CACNB1: variants seen among roughly 807,000 people sequenced by gnomAD.
CACNB1 encodes the protein voltage-dependent L-type calcium channel subunit beta-1.
In CACNB1, 29 loss-of-function variants were observed where a neutral mutation model predicts 71.6. The observed-to-expected ratio is 0.40, with a 90% CI of 0.30 to 0.55. The LOEUF (loss-of-function observed/expected upper bound fraction) is 0.55, where lower values mean the gene tolerates loss of function less well. Ranked by LOEUF, CACNB1 falls within the 20% of genes least tolerant of loss-of-function variation. CACNB1 has a pLI of 0.38. For missense variants in CACNB1, 623 were observed against 801.8 expected (o/e 0.78, Z 2.69); for synonymous variants, 300 against 319.6 (o/e 0.94, Z 0.65).
intron 11 of CACNB1, among the ~76,000 whole-genome samples, chr17:39,183,255 C>A (rs866028628): frequency 6.6e-6 from 1 of 151,732 alleles, no homozygotes; most frequent in Non-Finnish European, 1.5e-5. Flanking sequence ...TTGCTTTAGC[C>A]CAGGAGGTAG....
chr17:39,181,821 C>A (rs1242749463), intron 11 of CACNB1, among the ~76,000 whole-genome samples: 1 of 152,078 alleles, frequency 6.6e-6, no homozygotes, highest in Non-Finnish European at 1.5e-5. Flanking sequence ...AGTTTGAGAC[C>A]AGCCTGGCCA....
At chr17:39,182,114 C>T (rs1463731512) in intron 11 of CACNB1, among the ~76,000 whole-genome samples, 1 of 151,350 alleles carries the variant, frequency 6.6e-6, no homozygotes, top group Non-Finnish European at 1.5e-5. Context: ...TGAGCAAGAT[C>T]GCACCACTAC....
intron 6 of CACNB1, chr17:39,185,908 C>A (rs2045925978): frequency 6.3e-7 from 1 of 1,589,594 alleles, no homozygotes; most frequent in Non-Finnish European, 8.6e-7. Flanking sequence ...AAAGTGCTGG[C>A]CCTGACTCCC....
chr17:39,190,228 C>T (rs537791201), intron 3 of CACNB1, among the ~76,000 whole-genome samples: 20 of 152,130 alleles, frequency 1.3e-4, no homozygotes, highest in South Asian at 4.2e-4. Context: ...TCAAGACCAG[C>T]CTGGGCAACA....
At chr17:39,187,085 C>T in intron 4 of CACNB1, 156 bp from the exon 5 acceptor site, 1 of 738,294 alleles carries the variant, frequency 1.4e-6, no homozygotes, top group Non-Finnish European at 2.2e-6. Context: ...CTGAGTGGAG[C>T]TGCCAATTCT....
At chr17:39,184,938 C>T (rs574397430) in intron 7 of CACNB1, 74 bp from the exon 8 acceptor site, 9 of 1,164,058 alleles carry the variant, frequency 7.7e-6, no homozygotes, top group Middle Eastern at 1.9e-4. Context: ...ACTCCAGGCT[C>T]CCCCATGCAG....
At position 39,186,707 on chromosome 17, in the gene CACNB1, C is replaced by A; in HGVS notation, c.551+86G>T. 2 of 1,570,206 alleles carry A rather than the reference C, an allele frequency of 1.3e-6. No individual in the cohort carries two copies. Among genetic ancestry groups the A allele is most frequent in the Admixed American group, 1.7e-5 (1 of 59,048 alleles). On this transcript the variant is annotated intron_variant, in intron 5 of 13. Coordinates refer to ENST00000394303, the MANE Select transcript of CACNB1 (RefSeq NM_000723.5). The surrounding 1 kb of genome is among the most constrained non-coding windows in gnomAD (Gnocchi z 4.1). ...CACAGGCAGCTCTGTGCCCTCAGGG[C>A]CAGGGACAACCATTGAGGCCTAGTC...
chr17:39,187,020 C>T (rs2045958330), intron 4 of CACNB1, 91 bp from the exon 5 acceptor site: 3 of 1,411,586 alleles, frequency 2.1e-6, no homozygotes, highest in African/African-American at 2.8e-5. Context: ...CGCCCAGACT[C>T]ACCTCCCAGC....
At position 39,186,504 on chromosome 17, in the gene CACNB1, G is replaced by A; in HGVS notation, c.620C>T (p.Pro207Leu). The A allele has an allele frequency of 6.2e-7, 1 of 1,612,418 alleles. No individual in the cohort carries two copies. Among genetic ancestry groups the A allele is most frequent in the Non-Finnish European group, 8.5e-7 (1 of 1,178,930 alleles). Residue 207 changes from proline to leucine, a missense_variant, in exon 6 of 14, where the codon CCT (proline) becomes CTT (leucine). Pro to Leu is a moderately conservative substitution (Grantham distance 98). Coordinates refer to ENST00000394303, the MANE Select transcript of CACNB1 (RefSeq NM_000723.5). This position sits in a 1 kb window ranked among gnomAD's most constrained non-coding sequence, Gnocchi z 4.1. ...ATGGCGATGGCTCTTACCACTGGCAGGGGGTGTGGGGCGGCGGGTGCCAGT... is the reference window on the plus strand; with the variant it reads ...ATGGCGATGGCTCTTACCACTGGCAAGGGGTGTGGGGCGGCGGGTGCCAGT... ...VVTGTRRPTP[P>L]ASAKQKQKST...
At chr17:39,180,918 T>C (rs1466397930) in intron 11 of CACNB1, among the ~76,000 whole-genome samples, 1 of 151,948 alleles carries the variant, frequency 6.6e-6, no homozygotes, top group Non-Finnish European at 1.5e-5. Flanking sequence ...ATGGGAATTC[T>C]ACCTCAATAA....
rs2046165643 is a variant in CACNB1, at chr17:39,194,686, G to A, written c.171+198C>T. Among the ~76,000 whole-genome samples the A allele has an allele frequency of 6.6e-6, 1 of 152,054 alleles. No individual in the cohort carries two copies. The highest frequency in any genetic ancestry group is 2.1e-4 in the South Asian group (1 of 4,824). On this transcript the variant is annotated intron_variant, in intron 2 of 13. Coordinates refer to ENST00000394303, the MANE Select transcript of CACNB1 (RefSeq NM_000723.5). This position sits in a 1 kb window ranked among gnomAD's most constrained non-coding sequence, Gnocchi z 4.6. ...CTGGTGCTGGGGGAGGGGCCGGGCA[G>A]GGGCGGGGGCTGAGCGAGTGGGTGC... is the stretch of plus-strand genomic sequence containing the variant.
At chr17:39,178,755 T>G (rs932162236) in intron 11 of CACNB1, among the ~76,000 whole-genome samples, 2 of 152,176 alleles carry the variant, frequency 1.3e-5, no homozygotes, top group Admixed American at 1.3e-4. Context: ...CCAGCATTGT[T>G]CTGTGCTTTT....
rs1162849302 is a variant in CACNB1, at chr17:39,185,111, CA to C, written c.648+19del. 7.4e-6 allele frequency: 12 copies of C among 1,612,622 alleles called. 1 individual carries two copies. The Admixed American group carries it at 2.0e-4, about 27-fold the overall frequency. Reference sequence around the variant, plus strand: ...ATCCCAGGGAGTGGGGAGGAGGACACAGAAAGCTGTGATACTCACCGACTTC... The same window carrying C: ...ATCCCAGGGAGTGGGGAGGAGGACACGAAAGCTGTGATACTCACCGACTTC... On this transcript the variant is annotated intron_variant, in intron 7 of 13. Transcript: ENST00000394303.
At position 39,187,558 on chromosome 17, in the gene CACNB1, T is replaced by C. The variant is rs1567806173; in HGVS notation, c.335A>G (p.Asn112Ser). Reference protein sequence around the residue: ...AFAVRTNVGYNPSPGDEVPVQ... With the variant: ...AFAVRTNVGYSPSPGDEVPVQ... ...AGGCACCTCATCCCCTGGAGACGGA[T>C]TGTAGCCAACATTTGTCCGCACAGC... is the stretch of plus-strand genomic sequence containing the variant. Residue 112 changes from asparagine to serine, a missense_variant, in exon 4 of 14, where the codon AAT becomes AGT. Asn to Ser is a conservative substitution (Grantham distance 46). Coordinates refer to ENST00000394303, the MANE Select transcript of CACNB1 (RefSeq NM_000723.5). 5 of 1,614,188 alleles carry C rather than the reference T, an allele frequency of 3.1e-6. No homozygotes were observed. The highest frequency in any genetic ancestry group is 2.2e-5 in the South Asian group (2 of 91,084).
chr17:39,175,176 C>CT lies in CACNB1; in HGVS notation c.*16_*17insA. ...CTGGGCTCAGAGCCCTTCCTCCCGC[C>CT]GTGTGGCCCCTGCCTCTCAGCGAAT... On this transcript the variant is annotated 3_prime_UTR_variant, in exon 14 of 14. Transcript: ENST00000394303. This position sits in a 1 kb window ranked among gnomAD's most constrained non-coding sequence, Gnocchi z 4.7. 1 of 1,586,276 alleles carries CT rather than the reference C, an allele frequency of 6.3e-7. No individual in the cohort carries two copies.
chr17:39,184,475 G>A (rs930555780), intron 8 of CACNB1, 92 bp from the exon 9 acceptor site: 4 of 774,008 alleles, frequency 5.2e-6, no homozygotes, highest in African/African-American at 3.4e-5. Context: ...GTACCCTCAC[G>A]TTCCACTTTC....
At position 39,175,798 on chromosome 17, in the gene CACNB1, G is replaced by C; in HGVS notation, c.1333-141C>G. 3.0e-6 allele frequency: 2 copies of C among 666,700 alleles called. No individual in the cohort carries two copies. Among genetic ancestry groups the C allele is most frequent in the Non-Finnish European group, 2.5e-6 (1 of 403,088 alleles). 41.3% of individuals were successfully genotyped at this position (666,700 alleles called of 1,614,324 possible). On this transcript the variant is annotated intron_variant, in intron 13 of 13. Transcript: ENST00000394303. This position sits in a 1 kb window ranked among gnomAD's most constrained non-coding sequence, Gnocchi z 4.7. The stretch of plus-strand genomic sequence containing the variant: ...CTGGCTCTAGAGGAGGGGCCCCGGG[G>C]ACAAACGGCTCTGGAGCCCAGCCAG...
Position 39,175,769 on chromosome 17 carries a change from G to A in CACNB1, c.1333-112C>T, listed in dbSNP as rs1047709421. On this transcript the variant is annotated intron_variant, in intron 13 of 13. Transcript: ENST00000394303. The surrounding 1 kb of genome is among the most constrained non-coding windows in gnomAD (Gnocchi z 4.7). ...TAAGAGGTCCGGCCTGGATGAAGAG[G>A]GTGCTGGCTCTAGAGGAGGGGCCCC... 2.2e-6 allele frequency: 2 copies of A among 901,084 alleles called. No individual in the cohort carries two copies. Among genetic ancestry groups the A allele is most frequent in the Non-Finnish European group, 3.3e-6 (2 of 606,412 alleles). The allele number at this position is 901,084 out of a possible 1,614,324, so 55.8% of individuals were successfully genotyped here. A position where few individuals can be genotyped will look rare whatever the true frequency, so the allele number is the denominator to read the frequency against.
chr17:39,191,555 A>G lies in CACNB1; in HGVS notation c.210T>C (p.Ser70=), dbSNP rs1255630796. The part of the protein sequence containing the change: ...AESYTSRPSD[S]DVSLEEDREA... ...CCCGGTCCTCCTCCAGAGATACATC[A>G]GAGTCTGATGGACGGCTGGTGTAGG... The change falls in exon 3 of 14, where the codon TCT becomes TCC. Residue 70 remains serine, a synonymous_variant. Coordinates refer to ENST00000394303, the MANE Select transcript of CACNB1 (RefSeq NM_000723.5). 1 of 1,611,206 alleles carries G rather than the reference A, an allele frequency of 6.2e-7. No homozygotes were observed. Among genetic ancestry groups the G allele is most frequent in the Non-Finnish European group, 8.5e-7 (1 of 1,179,102 alleles).
Sources: gnomAD v4.1 joint callset for allele counts (sites outside exome capture counted in the v4.1 genomes callset) on GRCh38, gnomAD v4.1.1 for gene constraint, Gnocchi (gnomAD v3.1) non-coding constraint, MANE v1.5 for transcripts, NCBI Gene and HGNC (gene_info 2026-07-23, HGNC 2026-07-21) for gene names.